CSMD3: variants seen among roughly 807,000 people sequenced by gnomAD.
CSMD3 encodes CUB and sushi domain-containing protein 3.
Under a neutral mutation model 435.2 loss-of-function variants are expected in CSMD3, and 177 were observed. That is an observed-to-expected ratio of 0.41 (90% confidence interval 0.36 to 0.46). The LOEUF is 0.46. Among genes scored for constraint, CSMD3 ranks in the 20% least tolerant of loss-of-function variants. The probability of loss-of-function intolerance (pLI) is 0.34; values close to 1 mark genes in which losing one functional copy is unlikely to be tolerated. For synonymous variants in CSMD3, 1,656 were observed against 1,520.5 expected (o/e 1.09, Z -2.07); for missense variants, 4,265 against 4,504.6 (o/e 0.95, Z 1.52).
intron 1 of CSMD3, chr8:113,376,598 T>C: frequency 1.2e-6 from 1 of 849,100 alleles, no homozygotes; most frequent in Non-Finnish European, 1.9e-6. Flanking sequence ...ATATCCAATT[T>C]TTTTTAATCC....
Position 113,106,837 on chromosome 8 carries a change from CTCTT to C in CSMD3, c.710-7878_710-7875del, listed in dbSNP as rs574823086. Among the ~76,000 whole-genome samples, 911 of 151,438 alleles carry C rather than the reference CTCTT, an allele frequency of 6.0e-3. 4 individuals are homozygous for C. Among genetic ancestry groups the C allele is most frequent in the African/African-American group, 0.02 (804 of 41,160 alleles). Reference sequence around the variant, plus strand: ...ATCTTTGTTATCCACATTCTTTATTCTCTTTCTTTTTTTTTCTGTTTTTGTAAAA... The same window carrying C: ...ATCTTTGTTATCCACATTCTTTATTCTCTTTTTTTTTCTGTTTTTGTAAAA... On this transcript the variant is annotated intron_variant, in intron 4 of 70. Transcript: ENST00000297405.
At chr8:112,290,541 T>C (rs770751285) in intron 56 of CSMD3, among the ~76,000 whole-genome samples, 10 of 151,966 alleles carry the variant, frequency 6.6e-5, no homozygotes, top group Admixed American at 3.9e-4. Flanking sequence ...ACTATATGCA[T>C]AGAATCAAAT....
chr8:112,707,204 G>T (rs2076517208), intron 13 of CSMD3, among the ~76,000 whole-genome samples: 1 of 151,908 alleles, frequency 6.6e-6, no homozygotes, highest in Non-Finnish European at 1.5e-5. Flanking sequence ...GATGGTAAAT[G>T]AACTTATAAT....
intron 5 of CSMD3, among the ~76,000 whole-genome samples, chr8:113,037,434 C>G (rs1356685361): frequency 6.6e-6 from 1 of 151,958 alleles, no homozygotes; most frequent in African/African-American, 2.4e-5. Context: ...AAAAGAATGT[C>G]TGATAGGAGA....
At chr8:112,627,842 A>T (rs1390450269) in intron 22 of CSMD3, among the ~76,000 whole-genome samples, 1 of 152,208 alleles carries the variant, frequency 6.6e-6, no homozygotes, top group Non-Finnish European at 1.5e-5. Flanking sequence ...CAGAATGAGC[A>T]CCTGTTACTT....
At chr8:112,405,551 A>G (rs2130002464) in intron 35 of CSMD3, among the ~76,000 whole-genome samples, 1 of 151,812 alleles carries the variant, frequency 6.6e-6, no homozygotes, top group Admixed American at 6.6e-5. Flanking sequence ...CCATAATTTT[A>G]GATAGTATAC....
chr8:112,855,156 T>C (rs2080610864), intron 11 of CSMD3, among the ~76,000 whole-genome samples: 1 of 152,156 alleles, frequency 6.6e-6, no homozygotes, highest in South Asian at 2.1e-4. Flanking sequence ...TCTTAAAAAA[T>C]GTGGCTACTG....
intron 31 of CSMD3, among the ~76,000 whole-genome samples, chr8:112,486,990 T>C (rs1470214953): frequency 2.0e-5 from 3 of 152,206 alleles, no homozygotes; most frequent in Non-Finnish European, 2.9e-5. Context: ...TAGTAGTTCA[T>C]TAACAGTCTA....
rs2093196640 is a variant in CSMD3, at chr8:113,240,058, T to C, written c.514+38534A>G. Among the ~76,000 whole-genome samples, 9 of 152,068 alleles carry C rather than the reference T, an allele frequency of 5.9e-5. No homozygotes were observed. In the South Asian group the frequency reaches 1.9e-3, roughly 32 times the overall value. On this transcript the variant is annotated intron_variant, in intron 3 of 70. Coordinates refer to ENST00000297405, the MANE Select transcript of CSMD3 (RefSeq NM_198123.2). ...TGTGTTGTTCCCCTCTATGTGTCCA[T>C]GTGTTCTCATCATTTAGCTCTCACT...
rs371571647 is a variant in CSMD3, at chr8:113,081,141, T to C, written c.917+17615A>G. Among the ~76,000 whole-genome samples the C allele has an allele frequency of 1.4e-3, 208 of 152,338 alleles. 7 individuals carry two copies. In the South Asian group the frequency reaches 0.04, roughly 29 times the overall value. ...ATGTAAGAAATTACTGCAAATTTTA[T>C]TAATTAGGCTCCTAAAGATGCCATA... On this transcript the variant is annotated intron_variant, in intron 5 of 70. Transcript: ENST00000297405.
At chr8:113,393,879 TG>T (rs1388318228) in intron 1 of CSMD3, among the ~76,000 whole-genome samples, 1 of 152,024 alleles carries the variant, frequency 6.6e-6, no homozygotes, top group Non-Finnish European at 1.5e-5. Context: ...CCTTTTTCTC[TG>T]TATCTATGTG....
At chr8:112,821,930 T>C (rs945956109) in intron 12 of CSMD3, among the ~76,000 whole-genome samples, 9 of 152,190 alleles carry the variant, frequency 5.9e-5, no homozygotes, top group Admixed American at 3.3e-4. Flanking sequence ...TGCTTGTTTT[T>C]GTTAGGTTTG....
intron 13 of CSMD3, among the ~76,000 whole-genome samples, chr8:112,794,107 C>T (rs1047619356): frequency 6.6e-6 from 1 of 151,800 alleles, no homozygotes; most frequent in African/African-American, 2.4e-5. Context: ...GTCCACAATG[C>T]TATGTCTTTC....
intron 7 of CSMD3, among the ~76,000 whole-genome samples, chr8:112,959,191 A>G (rs2084140698): frequency 6.6e-6 from 1 of 152,054 alleles, no homozygotes; most frequent in Admixed American, 6.6e-5. Context: ...TAGTTAGCAG[A>G]ACATTGTTTT....
intron 31 of CSMD3, 32 bp from the exon 32 acceptor site, chr8:112,472,739 G>GA: frequency 8.1e-7 from 1 of 1,233,824 alleles, no homozygotes; most frequent in South Asian, 1.2e-5. Context: ...ATCATTTTTA[G>GA]AAAAAAGTTT....
chr8:112,711,326 C>T (rs979372087), intron 13 of CSMD3, among the ~76,000 whole-genome samples: 32 of 151,576 alleles, frequency 2.1e-4, no homozygotes, highest in African/African-American at 7.8e-4. Context: ...GACAGAGGCA[C>T]CATTAAACAA....
intron 9 of CSMD3, among the ~76,000 whole-genome samples, chr8:112,942,595 C>T (rs78466972): frequency 2.0e-5 from 3 of 151,712 alleles, no homozygotes; most frequent in Non-Finnish European, 4.4e-5. Flanking sequence ...TGGTCCTAAG[C>T]AAACTAACAC....
intron 1 of CSMD3, among the ~76,000 whole-genome samples, chr8:113,359,854 A>C (rs2132977035): frequency 6.6e-6 from 1 of 152,336 alleles, no homozygotes. Context: ...CAACCTACTT[A>C]TAAATATAGA....
At chr8:112,432,314 T>C (rs1813805194) in intron 32 of CSMD3, among the ~76,000 whole-genome samples, 1 of 152,068 alleles carries the variant, frequency 6.6e-6, no homozygotes, top group Admixed American at 6.6e-5. Flanking sequence ...TTCAACTTAT[T>C]TTACTTTATT....
Sources: gnomAD v4.1 joint callset for allele counts (sites outside exome capture counted in the v4.1 genomes callset) on GRCh38, gnomAD v4.1.1 for gene constraint, MANE v1.5 for transcripts, NCBI Gene and HGNC (gene_info 2026-07-23, HGNC 2026-07-21) for gene names.